MYLK: variants seen among roughly 807,000 people sequenced by gnomAD.
MYLK encodes the protein myosin light chain kinase, also known as myosin light chain kinase, smooth muscle.
A neutral mutation model predicts 203.4 loss-of-function variants in MYLK; 106 were observed. The ratio of observed to expected loss-of-function variants is 0.52; its 90% CI spans 0.45 to 0.61. MYLK has a LOEUF of 0.61. Ranked by LOEUF, MYLK falls within the 20% of genes least tolerant of loss-of-function variation. The pLI is 0.00. For missense variants in MYLK, 2,072 were observed against 2,442.3 expected (o/e 0.85, Z 3.20); for synonymous variants, 867 against 959.5 (o/e 0.90, Z 1.78).
chr3:123,673,185 AC>A (rs1480764137), intron 20 of MYLK, among the ~76,000 whole-genome samples: 1 of 135,702 alleles, frequency 7.4e-6, no homozygotes, highest in East Asian at 2.1e-4. Flanking sequence ...TTTTTTTGAC[AC>A]AAGGCCTTGC....
intron 20 of MYLK, among the ~76,000 whole-genome samples, chr3:123,670,092 A>G (rs188253970): frequency 6.6e-6 from 1 of 151,736 alleles, no homozygotes; most frequent in East Asian, 1.9e-4. Context: ...TGAGGAATCT[A>G]GATGAAGGGT....
At chr3:123,877,356 C>T (rs1057182451) in intron 1 of MYLK, among the ~76,000 whole-genome samples, 1 of 152,126 alleles carries the variant, frequency 6.6e-6, no homozygotes, top group African/African-American at 2.4e-5. Flanking sequence ...TGTTTTAGAT[C>T]AACAAAGCAA....
intron 3 of MYLK, among the ~76,000 whole-genome samples, chr3:123,829,652 G>T (rs909315519): frequency 6.6e-6 from 1 of 152,096 alleles, no homozygotes; most frequent in African/African-American, 2.4e-5. Context: ...TATGCTAATT[G>T]CCCAGATCTG....
chr3:123,829,712 T>C (rs1257537480), intron 3 of MYLK, among the ~76,000 whole-genome samples: 1 of 152,224 alleles, frequency 6.6e-6, no homozygotes, highest in Non-Finnish European at 1.5e-5. Flanking sequence ...TCCATGAATA[T>C]GCACAACTAT....
chr3:123,878,580 A>G (rs1206927906), intron 1 of MYLK, among the ~76,000 whole-genome samples: 1 of 152,170 alleles, frequency 6.6e-6, no homozygotes, highest in African/African-American at 2.4e-5. Context: ...GAGGGAACCA[A>G]TGTGTATCCA....
chr3:123,694,681 A>G (rs1179365602), intron 18 of MYLK, among the ~76,000 whole-genome samples: 1 of 152,224 alleles, frequency 6.6e-6, no homozygotes, highest in Non-Finnish European at 1.5e-5. Context: ...CAAGCTGCAA[A>G]GACAGTACAC....
chr3:123,857,932 A>C (rs2148681220), intron 2 of MYLK, among the ~76,000 whole-genome samples: 2 of 152,286 alleles, frequency 1.3e-5, no homozygotes, highest in Admixed American at 1.3e-4. Flanking sequence ...TGTATATATT[A>C]ATTTTCCCTT....
chr3:123,687,644 C>G (rs866948089), intron 19 of MYLK, among the ~76,000 whole-genome samples: 1 of 151,042 alleles, frequency 6.6e-6, no homozygotes, highest in Non-Finnish European at 1.5e-5. Flanking sequence ...TTCCTTCCCT[C>G]CTTCCTTCCT....
At chr3:123,657,990 C>T (rs2059443991) in intron 23 of MYLK, among the ~76,000 whole-genome samples, 1 of 152,214 alleles carries the variant, frequency 6.6e-6, no homozygotes, top group African/African-American at 2.4e-5. Context: ...TGTCCCCACA[C>T]AGTAGCTGTT....
chr3:123,636,012 A>G (rs1324554958), intron 29 of MYLK, among the ~76,000 whole-genome samples: 3 of 152,244 alleles, frequency 2.0e-5, no homozygotes, highest in African/African-American at 4.8e-5. Flanking sequence ...CATTGACATT[A>G]GCCTTGAGGG....
chr3:123,668,110 G>C (rs146649580), intron 20 of MYLK, among the ~76,000 whole-genome samples: 1 of 152,272 alleles, frequency 6.6e-6, no homozygotes, highest in Middle Eastern at 3.4e-3. Context: ...TCACAATATA[G>C]TGCACGTGCG....
At chr3:123,706,273 A>G (rs1389014592) in intron 16 of MYLK, among the ~76,000 whole-genome samples, 1 of 152,234 alleles carries the variant, frequency 6.6e-6, no homozygotes, top group Non-Finnish European at 1.5e-5. Flanking sequence ...GTTATGCAGC[A>G]AAAGATAACT....
intron 32 of MYLK, among the ~76,000 whole-genome samples, chr3:123,619,413 C>T (rs943348252): frequency 3.9e-5 from 6 of 152,182 alleles, no homozygotes; most frequent in Non-Finnish European, 7.3e-5. Context: ...AGTCTCTATC[C>T]CTGGCTGTGA....
Position 123,677,019 on chromosome 3 carries a change from G to A in MYLK, c.3652+5205C>T, listed in dbSNP as rs147819902. On this transcript the variant is annotated intron_variant, in intron 20 of 33. Coordinates refer to ENST00000360304, the MANE Select transcript of MYLK (RefSeq NM_053025.4). ...AGCCAGCATGCTTGTCTCCCCTCAC[G>A]CAAAATTCCCAAGAACTCCCCTGGC... Among the ~76,000 whole-genome samples the A allele has an allele frequency of 8.5e-3, 1,293 of 152,160 alleles. 6 individuals are homozygous for A. Among genetic ancestry groups the A allele is most frequent in the Non-Finnish European group, 0.013 (853 of 68,016 alleles).
intron 3 of MYLK, among the ~76,000 whole-genome samples, chr3:123,826,679 G>T (rs1232344961): frequency 6.6e-6 from 1 of 152,140 alleles, no homozygotes; most frequent in Non-Finnish European, 1.5e-5. Context: ...ACCCAAATTT[G>T]GTCAATCCAT....
intron 20 of MYLK, among the ~76,000 whole-genome samples, chr3:123,667,543 G>T (rs1360182810): frequency 6.6e-6 from 1 of 151,862 alleles, no homozygotes; most frequent in African/African-American, 2.4e-5. Flanking sequence ...GGTGGAGGCT[G>T]CAGTGAGCAG....
rs767172548 is a variant in MYLK at position 123,626,843 on chromosome 3, T to C, written c.5213A>G (p.Lys1738Arg). Residue 1738 changes from lysine (K) to arginine (R), a missense_variant, in exon 31 of 34, where the codon AAG becomes AGG. This residue lies in a region of MYLK where 524 missense variants were observed against 782.4 expected (regional missense o/e 0.67). Transcript: ENST00000360304. The stretch of plus-strand genomic sequence containing the variant: ...CTGCCATTTCCTTCTTGCCATGTAC[T>C]TCTTCATCCGGTCCTTGGAGAGTTT... ...AKKLSKDRMK[K>R]YMARRKWQKT... 3.7e-6 allele frequency: 6 copies of C among 1,614,246 alleles called. No individual in the cohort carries two copies. The South Asian group carries it at 5.5e-5, about 15-fold the overall frequency.
intron 16 of MYLK, among the ~76,000 whole-genome samples, chr3:123,707,443 C>T (rs2061503340): frequency 6.6e-6 from 1 of 152,084 alleles, no homozygotes; most frequent in South Asian, 2.1e-4. Flanking sequence ...CCCCCTATCC[C>T]CCTGCTTTTC....
chr3:123,686,599 G>T (rs1277843956), intron 19 of MYLK, among the ~76,000 whole-genome samples: 1 of 152,188 alleles, frequency 6.6e-6, no homozygotes, highest in East Asian at 1.9e-4. Flanking sequence ...AAGGAAGAGA[G>T]ATCAGGATGC....
Sources: allele counts gnomAD v4.1 joint callset (sites outside exome capture counted in the v4.1 genomes callset), GRCh38; gene constraint gnomAD v4.1.1; regional missense constraint gnomAD v4.1.1; transcripts MANE v1.5; gene names NCBI Gene and HGNC (gene_info 2026-07-23, HGNC 2026-07-21).